YIPF6: variants seen among roughly 807,000 people sequenced by gnomAD.
YIPF6 encodes the protein Yip1 domain family member 6.
In YIPF6, 3 loss-of-function variants were observed where a neutral mutation model predicts 16.8. That is an observed-to-expected ratio of 0.18 (90% CI 0.08 to 0.46). The LOEUF (loss-of-function observed/expected upper bound fraction) is 0.46, where lower values mean the gene tolerates loss of function less well. Among genes scored for constraint, YIPF6 ranks in the 20% least tolerant of loss-of-function variants. YIPF6 has a pLI of 0.98. For missense variants in YIPF6, 145 were observed against 184.9 expected (o/e 0.78, Z 1.25); for synonymous variants, 67 against 61.9 (o/e 1.08, Z -0.38).
chrX:68,524,649 C>T (rs1307853219), intron 6 of YIPF6, among the ~76,000 whole-genome samples: 1 of 109,329 alleles, frequency 9.1e-6, no homozygotes, highest in Non-Finnish European at 1.9e-5. Flanking sequence ...TTAGGTATTT[C>T]TCCTAATGCT....
rs927531669 is a variant in YIPF6 at position 68,534,587 on chromosome X, G to A, written c.*2588G>A. ...TTTTTTTTTTTCTAAACAGGAAAAGGGTTAAATGAAGGTTGATAAAATGGA... is the reference window on the plus strand; with the variant it reads ...TTTTTTTTTTTCTAAACAGGAAAAGAGTTAAATGAAGGTTGATAAAATGGA... On this transcript the variant is annotated 3_prime_UTR_variant, in exon 7 of 7. Coordinates refer to ENST00000462683, the MANE Select transcript of YIPF6 (RefSeq NM_173834.4). The A allele has an allele frequency of 9.0e-6, 1 of 111,289 alleles. No individual in the cohort carries two copies. The allele number at this position is 111,289 out of a possible 1,213,427, so 9.2% of individuals were successfully genotyped here.
At chrX:68,512,733 C>T (rs957328807) in intron 2 of YIPF6, among the ~76,000 whole-genome samples, 2 of 110,386 alleles carry the variant, frequency 1.8e-5, no homozygotes, top group African/African-American at 3.3e-5. Flanking sequence ...TGTTTAATAA[C>T]GGGTAAAATT....
At chrX:68,506,512 C>A (rs767109065) in intron 1 of YIPF6, among the ~76,000 whole-genome samples, 200 of 110,022 alleles carry the variant, frequency 1.8e-3, no homozygotes, top group African/African-American at 6.4e-3. Context: ...TCAGCCTGGG[C>A]AACATGACAA....
chrX:68,519,154 G>T (rs755849661), intron 4 of YIPF6, among the ~76,000 whole-genome samples: 1 of 112,011 alleles, frequency 8.9e-6, no homozygotes, highest in African/African-American at 3.2e-5. Context: ...ATAATTCTCT[G>T]TAATCTTACT....
At chrX:68,521,346 A>G (rs1394244457) in intron 4 of YIPF6, 26 bp from the exon 5 acceptor site, 2 of 1,199,573 alleles carry the variant, frequency 1.7e-6, no homozygotes, top group Non-Finnish European at 1.1e-6. Flanking sequence ...AGATTAAGCA[A>G]TTCTTACGCT....
rs987817013 is a variant in YIPF6, at chrX:68,516,470, A to G, written c.266-2300A>G. 8.1e-5 allele frequency among the ~76,000 whole-genome samples: 9 copies of G among 111,394 alleles called. No individual in the cohort carries two copies. In the Admixed American group the frequency reaches 8.6e-4, roughly 11 times the overall value. ...TATGGGACCACTATCATTGACCGAAATATCATTATGTGGCACATGACAGTA... is the reference window on the plus strand; with the variant it reads ...TATGGGACCACTATCATTGACCGAAGTATCATTATGTGGCACATGACAGTA... On this transcript the variant is annotated intron_variant, in intron 3 of 6. Transcript: ENST00000462683.
chrX:68,501,553 T>C (rs1200640417), intron 1 of YIPF6, among the ~76,000 whole-genome samples: 1 of 111,888 alleles, frequency 8.9e-6, no homozygotes, highest in Non-Finnish European at 1.9e-5. Context: ...ATCCAGTTAG[T>C]GCCATGCATG....
At chrX:68,513,781 A>T (rs1044002102) in intron 3 of YIPF6, 3 of 110,227 alleles carry the variant, frequency 2.7e-5, no homozygotes, top group African/African-American at 1.0e-4. Flanking sequence ...GTAGAGACGG[A>T]TTTCACCAGG....
chrX:68,512,762 A>G (rs2079086050), intron 2 of YIPF6, among the ~76,000 whole-genome samples: 1 of 111,134 alleles, frequency 9.0e-6, no homozygotes, highest in South Asian at 3.7e-4. Context: ...AAAAATTAAA[A>G]CAGAATTAGC....
intron 1 of YIPF6, among the ~76,000 whole-genome samples, chrX:68,503,004 A>G (rs2079046527): frequency 1.8e-5 from 2 of 110,550 alleles, no homozygotes; most frequent in African/African-American, 6.6e-5. Flanking sequence ...AAATTTTTGT[A>G]TTTTTAGTAG....
chrX:68,528,382 C>G (rs1401400388), intron 6 of YIPF6, among the ~76,000 whole-genome samples: 1 of 111,430 alleles, frequency 9.0e-6, no homozygotes, highest in Non-Finnish European at 1.9e-5. Context: ...TGTCTTTGCA[C>G]GTGATATGGG....
chrX:68,500,545 C>T (rs944014849), intron 1 of YIPF6, among the ~76,000 whole-genome samples: 22 of 111,356 alleles, frequency 2.0e-4, no homozygotes, highest in African/African-American at 7.2e-4. Flanking sequence ...GAACTCCTGA[C>T]GTCAGGTGAT....
chrX:68,528,310 CT>C (rs917022605), intron 6 of YIPF6, among the ~76,000 whole-genome samples: 2 of 111,319 alleles, frequency 1.8e-5, no homozygotes, highest in African/African-American at 6.5e-5. Flanking sequence ...GCAACCCCTA[CT>C]TTTTTTGCTT....
chrX:68,510,758 C>G (rs1053385885), intron 1 of YIPF6: 1 of 111,346 alleles, frequency 9.0e-6, no homozygotes, highest in Non-Finnish European at 1.9e-5. Flanking sequence ...CTCAGCCTCC[C>G]GAGTAGCTGG....
chrX:68,530,946 T>C (rs2079168598), intron 6 of YIPF6, among the ~76,000 whole-genome samples: 1 of 111,011 alleles, frequency 9.0e-6, no homozygotes, highest in African/African-American at 3.3e-5. Flanking sequence ...TATTTTTCTT[T>C]AAAGAGATGG....
rs768923493 is a variant in YIPF6 at position 68,535,296 on chromosome X, G to A, written c.*3297G>A. 2 of 112,156 alleles carry A rather than the reference G, an allele frequency of 1.8e-5. No homozygotes were observed. The highest frequency in any genetic ancestry group is 9.5e-5 in the Admixed American group (1 of 10,532). 9.2% of individuals were successfully genotyped at this position (112,156 alleles called of 1,213,427 possible). A position where few individuals can be genotyped will look rare whatever the true frequency, so the allele number is the denominator to read the frequency against. On this transcript the variant is annotated 3_prime_UTR_variant, in exon 7 of 7. Coordinates refer to ENST00000462683, the MANE Select transcript of YIPF6 (RefSeq NM_173834.4). ...TAGAAGGCTACCAAGCCTGTATTTG[G>A]ACATTTAATTGTGTGCTTTATATAA...
intron 1 of YIPF6, 67 bp from the exon 2 acceptor site, chrX:68,511,782 T>C: frequency 8.9e-7 from 1 of 1,121,625 alleles, no homozygotes; most frequent in South Asian, 2.3e-5. Context: ...CTCTAGGAAA[T>C]GATGATATAT....
Position 68,522,832 on chromosome X carries a change from G to A in YIPF6, c.507G>A (p.Arg169=), listed in dbSNP as rs753968170. 3.3e-6 allele frequency: 4 copies of A among 1,210,963 alleles called. No homozygotes were observed. The highest frequency in any genetic ancestry group is 4.5e-6 in the Non-Finnish European group (4 of 895,306). Residue 169 remains arginine, a synonymous_variant, in exon 6 of 7, where the codon CGG becomes CGA. Coordinates refer to ENST00000462683, the MANE Select transcript of YIPF6 (RefSeq NM_173834.4). The part of the protein sequence containing the change: ...LPLTVAMLIC[R]LVLLADPGPV... ...TGACAGTAGCAATGCTGATTTGCCG[G>A]CTGGTACTTTTGGCTGATCCAGGAC...
chrX:68,504,514 C>T (rs868818311), intron 1 of YIPF6, among the ~76,000 whole-genome samples: 2 of 111,616 alleles, frequency 1.8e-5, no homozygotes, highest in South Asian at 7.5e-4. Flanking sequence ...GCATAAACTA[C>T]CAGAGCCCCT....
Sources: allele counts gnomAD v4.1 joint callset (sites outside exome capture counted in the v4.1 genomes callset), GRCh38; gene constraint gnomAD v4.1.1; transcripts MANE v1.5; gene names NCBI Gene and HGNC (gene_info 2026-07-23, HGNC 2026-07-21).